Variants in IGSF21 observed in about 807,000 individuals in gnomAD.
IGSF21 encodes the protein immunoglobin superfamily member 21.
A neutral mutation model predicts 46.8 loss-of-function variants in IGSF21; 28 were observed. The observed-to-expected ratio is 0.60, with a 90% confidence interval of 0.44 to 0.82. The LOEUF is 0.82. IGSF21 is among the 40% of genes least tolerant of loss of function. The probability of loss-of-function intolerance (pLI) is 0.00; values close to 1 mark genes in which losing one functional copy is unlikely to be tolerated. For missense variants in IGSF21, 624 were observed against 665.5 expected, an observed-to-expected ratio of 0.94 and a Z score of 0.69; for synonymous variants, 284 against 273.6, an observed-to-expected ratio of 1.04 and a Z score of -0.38.
rs764628119 is a variant in IGSF21, at chr1:18,291,993, T to A, written c.305+6T>A. 1.9e-6 allele frequency: 3 copies of A among 1,579,722 alleles called. No homozygotes were observed. In the South Asian group the frequency reaches 3.3e-5, roughly 18 times the overall value. ...GTGTACCAGTCCACTGTGAGGTGAG[T>A]GCCTGGGGGTGGCGGGCCGACAGCG... On this transcript the variant is annotated splice_donor_region_variant and intron_variant, in intron 3 of 9. Coordinates refer to ENST00000251296, the MANE Select transcript of IGSF21 (RefSeq NM_032880.5).
In IGSF21 at chr1:18,172,652, A is replaced by G. The variant is rs534973255; in HGVS notation, c.71-55246A>G. Among the ~76,000 whole-genome samples the G allele has an allele frequency of 8.5e-4, 130 of 152,332 alleles. 1 individual carries two copies. Among genetic ancestry groups the G allele is most frequent in the African/African-American group, 3.1e-3 (128 of 41,566 alleles). On this transcript the variant is annotated intron_variant, in intron 1 of 9. Transcript: ENST00000251296. ...CCTATCAGATTAGTACCCCACCCTT[A>G]GGACCTCATTTAACCTTAATTACTT...
intron 1 of IGSF21, 72 bp downstream of exon 1, chr1:18,108,270 T>C: frequency 7.8e-7 from 1 of 1,285,120 alleles, no homozygotes; most frequent in Non-Finnish European, 9.8e-7. Flanking sequence ...GGGAGGGCGC[T>C]GGCCGGGGTC....
At chr1:18,318,390 C>T (rs542060379) in intron 3 of IGSF21, among the ~76,000 whole-genome samples, 1 of 152,272 alleles carries the variant, frequency 6.6e-6, no homozygotes, top group East Asian at 1.9e-4. Flanking sequence ...TTAAAATGTA[C>T]CAGCTTGCTG....
At chr1:18,233,433 A>G (rs1027334062) in intron 2 of IGSF21, among the ~76,000 whole-genome samples, 1 of 152,226 alleles carries the variant, frequency 6.6e-6, no homozygotes, top group South Asian at 2.1e-4. Context: ...TGAGGTAGGA[A>G]GAGAGAGGAC....
At chr1:18,372,623 T>TGGATGGAA in intron 6 of IGSF21, among the ~76,000 whole-genome samples, 5 of 150,228 alleles carry the variant, frequency 3.3e-5, no homozygotes, top group Middle Eastern at 3.4e-3. Context: ...GATGTTTGGA[T>TGGATGGAA]GGATGGATAG....
chr1:18,161,023 G>A (rs1426092024), intron 1 of IGSF21, among the ~76,000 whole-genome samples: 1 of 152,114 alleles, frequency 6.6e-6, no homozygotes, highest in Non-Finnish European at 1.5e-5. Context: ...AGAGCTTTAG[G>A]CCTCTGTTCC....
At chr1:18,196,990 A>AT (rs1490340097) in intron 1 of IGSF21, among the ~76,000 whole-genome samples, 2 of 152,014 alleles carry the variant, frequency 1.3e-5, no homozygotes, top group South Asian at 2.1e-4. Flanking sequence ...CCAAGTATAT[A>AT]TTTTTTCTAA....
intron 5 of IGSF21, among the ~76,000 whole-genome samples, chr1:18,363,896 A>G (rs2086130994): frequency 6.6e-6 from 1 of 152,152 alleles, no homozygotes; most frequent in African/African-American, 2.4e-5. Context: ...TAGGAAGTGG[A>G]CCCAAAAAGG....
At chr1:18,149,824 C>T (rs2086505442) in intron 1 of IGSF21, among the ~76,000 whole-genome samples, 1 of 152,164 alleles carries the variant, frequency 6.6e-6, no homozygotes, top group Admixed American at 6.5e-5. Flanking sequence ...GAGAATCATT[C>T]ATGTCTACTA....
At chr1:18,377,499 TC>T (rs2086296664) in intron 9 of IGSF21, 68 bp downstream of exon 9, 3 of 1,293,000 alleles carry the variant, frequency 2.3e-6, no homozygotes, top group Non-Finnish European at 3.4e-6. Context: ...AAAGCTCTGG[TC>T]CCCCAAACTT....
chr1:18,282,671 C>T (rs1321547847), intron 2 of IGSF21, among the ~76,000 whole-genome samples: 1 of 151,256 alleles, frequency 6.6e-6, no homozygotes, highest in African/African-American at 2.4e-5. Flanking sequence ...CACACACACA[C>T]AAACACACAC....
At chr1:18,245,841 A>C (rs897502722) in intron 2 of IGSF21, among the ~76,000 whole-genome samples, 4 of 152,214 alleles carry the variant, frequency 2.6e-5, no homozygotes, top group Admixed American at 6.5e-5. Flanking sequence ...AGGAGGTCCC[A>C]AACCACTTAG....
chr1:18,184,600 C>A (rs1008556114), intron 1 of IGSF21, among the ~76,000 whole-genome samples: 1 of 152,166 alleles, frequency 6.6e-6, no homozygotes, highest in Admixed American at 6.5e-5. Context: ...GAGGGTGCAC[C>A]AAGCTGCCCC....
At chr1:18,233,324 T>A (rs1371097161) in intron 2 of IGSF21, among the ~76,000 whole-genome samples, 7 of 152,114 alleles carry the variant, frequency 4.6e-5, no homozygotes, top group Admixed American at 1.3e-4. Flanking sequence ...CCTCGCCAGG[T>A]GATCGTCCCC....
At chr1:18,176,094 G>T (rs1340566987) in intron 1 of IGSF21, 1 of 152,234 alleles carries the variant, frequency 6.6e-6, no homozygotes, top group Non-Finnish European at 1.5e-5. Flanking sequence ...GTTCAGAGAT[G>T]TCAAGGGCCT....
chr1:18,377,124 G>A, intron 8 of IGSF21, 132 bp downstream of exon 8: 1 of 964,430 alleles, frequency 1.0e-6, no homozygotes, highest in South Asian at 1.7e-5. Context: ...GCCCTGAGAG[G>A]GTGCCCCACT....
intron 1 of IGSF21, among the ~76,000 whole-genome samples, chr1:18,225,840 C>T (rs1482803125): frequency 3.9e-5 from 6 of 152,198 alleles, no homozygotes; most frequent in Non-Finnish European, 5.9e-5. Context: ...TCACCTCTTC[C>T]GAGAGGCTGT....
At chr1:18,271,733 C>T (rs942694915) in intron 2 of IGSF21, among the ~76,000 whole-genome samples, 7 of 152,162 alleles carry the variant, frequency 4.6e-5, no homozygotes, top group Non-Finnish European at 1.0e-4. Flanking sequence ...GGGCTCAAAC[C>T]CACCTGTGCC....
At chr1:18,137,104 T>C (rs1340843250) in intron 1 of IGSF21, among the ~76,000 whole-genome samples, 1 of 152,162 alleles carries the variant, frequency 6.6e-6, no homozygotes, top group African/African-American at 2.4e-5. Flanking sequence ...CTGGCATCTG[T>C]TTCTAGGGAG....
Sources: allele counts gnomAD v4.1 joint callset (sites outside exome capture counted in the v4.1 genomes callset), GRCh38; gene constraint gnomAD v4.1.1; transcripts MANE v1.5; gene names NCBI Gene and HGNC (gene_info 2026-07-23, HGNC 2026-07-21).